Variants in SEL1L2 observed in about 807,000 individuals in gnomAD.
SEL1L2 encodes the protein protein sel-1 homolog 2.
In SEL1L2, 89 loss-of-function variants were observed where a neutral mutation model predicts 98.8. The ratio of observed to expected loss-of-function variants is 0.90; its 90% CI spans 0.76 to 1.07. SEL1L2 has a LOEUF of 1.07. SEL1L2 is among the 50% of genes least tolerant of loss of function. SEL1L2 has a pLI of 0.00. For synonymous variants in SEL1L2, 262 were observed against 278.5 expected (o/e 0.94, Z 0.59); for missense variants, 788 against 812.0 (o/e 0.97, Z 0.36).
At chr20:13,926,346 C>A (rs1375653351) in intron 3 of SEL1L2, among the ~76,000 whole-genome samples, 7 of 151,788 alleles carry the variant, frequency 4.6e-5, no homozygotes, top group East Asian at 1.9e-4. Context: ...ATAAAAAATT[C>A]AAAAAAAGTG....
At chr20:13,854,424 A>G (rs1988809864) in intron 18 of SEL1L2, among the ~76,000 whole-genome samples, 1 of 152,194 alleles carries the variant, frequency 6.6e-6, no homozygotes, top group African/African-American at 2.4e-5. Flanking sequence ...TTTGAACAGG[A>G]CCTGGCAGTG....
rs761432871 is a variant in SEL1L2, at chr20:13,877,551, C to T, written c.995G>A (p.Gly332Glu). ...TATAAATGCCATGGCATTTGCACTC[C>T]CGGCCTTTGCTGCCTTTAAGAAGTA... is the stretch of plus-strand genomic sequence containing the variant. ...LHYFLKAAKAGSANAMAFIGK... is the reference protein window; with the variant it reads ...LHYFLKAAKAESANAMAFIGK... Residue 332 changes from glycine (G) to glutamate (E), a missense_variant, in exon 11 of 20, where the codon GGG becomes GAG. By Grantham distance (98) the Gly-to-Glu change is moderately conservative (BLOSUM62 -2). Transcript: ENST00000284951. The T allele has an allele frequency of 1.4e-5, 22 of 1,613,260 alleles. No individual in the cohort carries two copies. Among genetic ancestry groups the T allele is most frequent in the East Asian group, 1.3e-4 (6 of 44,884 alleles).
intron 19 of SEL1L2, chr20:13,849,935 G>T: frequency 1.8e-6 from 1 of 555,112 alleles, no homozygotes; most frequent in Non-Finnish European, 3.2e-6. Flanking sequence ...ATGTCACTGT[G>T]CTTAAGGCTT....
intron 1 of SEL1L2, among the ~76,000 whole-genome samples, chr20:13,963,561 C>A (rs375212910): frequency 6.6e-6 from 1 of 151,634 alleles, no homozygotes; most frequent in South Asian, 2.1e-4. Context: ...ACTAAAAATA[C>A]AAAAATTAGG....
chr20:13,893,241 T>C (rs1293022683), intron 5 of SEL1L2, among the ~76,000 whole-genome samples: 2 of 152,190 alleles, frequency 1.3e-5, no homozygotes, highest in Non-Finnish European at 2.9e-5. Flanking sequence ...GATTTTGCAC[T>C]GAAGGCTGCA....
chr20:13,899,632 G>C (rs898339294), intron 5 of SEL1L2, among the ~76,000 whole-genome samples: 5 of 152,066 alleles, frequency 3.3e-5, no homozygotes, highest in African/African-American at 1.2e-4. Flanking sequence ...GTCCTATACA[G>C]GGGGTGCCAC....
intron 2 of SEL1L2, among the ~76,000 whole-genome samples, chr20:13,950,756 G>A (rs1046726551): frequency 2.0e-5 from 3 of 152,272 alleles, no homozygotes; most frequent in East Asian, 1.9e-4. Context: ...CACGAGCTAC[G>A]TTTCTATCTT....
Position 13,919,037 on chromosome 20 carries a change from G to C in SEL1L2, c.370C>G (p.Gln124Glu). ...AAGACTTACTCTTCTTTTTGTTTTT[G>C]GCTTTTAGACTGCTGGAGAACCTTG... ...GIKVLQQSKS[Q>E]KQKEEAYLLF... The change falls in exon 4 of 20, where the codon CAA becomes GAA. Residue 124 changes from glutamine (Q) to glutamate (E), a missense_variant. By Grantham distance (29) the Gln-to-Glu change is conservative. Transcript: ENST00000284951. 2 of 1,608,350 alleles carry C rather than the reference G, an allele frequency of 1.2e-6. No individual in the cohort carries two copies. Among genetic ancestry groups the C allele is most frequent in the Non-Finnish European group, 1.7e-6 (2 of 1,177,686 alleles).
At chr20:13,920,099 G>A (rs1295933708) in intron 3 of SEL1L2, among the ~76,000 whole-genome samples, 1 of 151,574 alleles carries the variant, frequency 6.6e-6, no homozygotes, top group Non-Finnish European at 1.5e-5. Flanking sequence ...GCAGTGGCGT[G>A]CAGATGTAGT....
At position 13,931,589 on chromosome 20, in the gene SEL1L2, G is replaced by A; in HGVS notation, c.283+14C>T. 1 of 1,303,114 alleles carries A rather than the reference G, an allele frequency of 7.7e-7. No individual in the cohort carries two copies. The highest frequency in any genetic ancestry group is 1.6e-5 in the South Asian group (1 of 64,132). 80.7% of individuals were successfully genotyped at this position (1,303,114 alleles called of 1,614,324 possible). ...GTCATTTTAAATTTACATGTGAAAA[G>A]ATATTCTACTTACAATGATTCTTAT... On this transcript the variant is annotated intron_variant, in intron 3 of 19. Coordinates refer to ENST00000284951, the MANE Select transcript of SEL1L2 (RefSeq NM_025229.2).
At chr20:13,854,183 T>A (rs1227468052) in intron 18 of SEL1L2, among the ~76,000 whole-genome samples, 2 of 152,228 alleles carry the variant, frequency 1.3e-5, no homozygotes, top group Non-Finnish European at 2.9e-5. Context: ...ACAGGTCTAT[T>A]GATAATTTAT....
At chr20:13,869,287 A>T (rs2147848318) in intron 14 of SEL1L2, among the ~76,000 whole-genome samples, 1 of 152,006 alleles carries the variant, frequency 6.6e-6, no homozygotes, top group South Asian at 2.1e-4. Context: ...CTCCAACTTA[A>T]CCTTGTCAAA....
At chr20:13,876,786 G>C (rs760562880) in intron 11 of SEL1L2, among the ~76,000 whole-genome samples, 2 of 152,104 alleles carry the variant, frequency 1.3e-5, no homozygotes, top group African/African-American at 2.4e-5. Context: ...TCATAGCTAC[G>C]CTCAGAGGAG....
intron 17 of SEL1L2, among the ~76,000 whole-genome samples, chr20:13,862,216 T>C (rs912788822): frequency 6.6e-6 from 1 of 152,212 alleles, no homozygotes; most frequent in Non-Finnish European, 1.5e-5. Context: ...AATATGACTG[T>C]CCAACAAACA....
chr20:13,905,914 G>A (rs1163981268), intron 5 of SEL1L2, among the ~76,000 whole-genome samples: 35 of 130,426 alleles, frequency 2.7e-4, no homozygotes, highest in African/African-American at 1.0e-3. Context: ...CACTCTTGAC[G>A]CCCAGGCTGG....
intron 1 of SEL1L2, among the ~76,000 whole-genome samples, chr20:13,988,623 C>T (rs2052371804): frequency 6.6e-6 from 1 of 152,208 alleles, no homozygotes; most frequent in African/African-American, 2.4e-5. Context: ...AGTCCTCCAA[C>T]TCCATTCTTC....
At chr20:13,884,935 T>C (rs137885755) in intron 10 of SEL1L2, among the ~76,000 whole-genome samples, 9 of 152,320 alleles carry the variant, frequency 5.9e-5, no homozygotes, top group African/African-American at 1.7e-4. Context: ...TCTTCTGATA[T>C]AGCCAAATGG....
intron 10 of SEL1L2, among the ~76,000 whole-genome samples, chr20:13,879,249 G>A (rs928974548): frequency 1.3e-5 from 2 of 152,166 alleles, no homozygotes; most frequent in African/African-American, 2.4e-5. Flanking sequence ...GATTACTTCG[G>A]CGTGGCTGAA....
intron 2 of SEL1L2, among the ~76,000 whole-genome samples, chr20:13,936,549 T>A (rs147492528): frequency 6.6e-6 from 1 of 152,280 alleles, no homozygotes; most frequent in African/African-American, 2.4e-5. Context: ...GTGGTCCCCA[T>A]CCAGAATTGG....
Sources: gnomAD v4.1 joint callset for allele counts (sites outside exome capture counted in the v4.1 genomes callset) on GRCh38, gnomAD v4.1.1 for gene constraint, MANE v1.5 for transcripts, NCBI Gene and HGNC (gene_info 2026-07-23, HGNC 2026-07-21) for gene names.